Variants in CARMIL1 observed in about 807,000 individuals in gnomAD.
CARMIL1 encodes capping protein regulator and myosin 1 linker 1, also known as F-actin-uncapping protein LRRC16A.
In CARMIL1, 90 loss-of-function variants were observed where a neutral mutation model predicts 177.1. The observed-to-expected ratio is 0.51, with a 90% CI of 0.43 to 0.61. The LOEUF (loss-of-function observed/expected upper bound fraction) is 0.61. CARMIL1 is among the 20% of genes least tolerant of loss of function. The pLI is 0.00. For synonymous variants in CARMIL1, 577 were observed against 606.2 expected (o/e 0.95, Z 0.71); for missense variants, 1,380 against 1,667.0 (o/e 0.83, Z 3.00).
At chr6:25,392,054 ATGTGTGTGTGTGTGTGTGTGTGTG>A (rs36076582) in intron 2 of CARMIL1, among the ~76,000 whole-genome samples, 83 of 139,356 alleles carry the variant, frequency 6.0e-4, no homozygotes, top group South Asian at 2.8e-3. Flanking sequence ...GTGTATATGC[ATGTGTGTGTGTGTGTGTGTGTGTG>A]TGTGTGTGTG....
intron 2 of CARMIL1, among the ~76,000 whole-genome samples, chr6:25,382,438 G>A (rs184340225): frequency 7.6e-4 from 116 of 152,244 alleles, no homozygotes; most frequent in African/African-American, 2.5e-3. Flanking sequence ...AAGGTGGCAC[G>A]GAGCCAAAGA....
chr6:25,584,026 C>CTTTTTTT (rs71544648), intron 31 of CARMIL1, among the ~76,000 whole-genome samples: 194 of 119,086 alleles, frequency 1.6e-3, no homozygotes, highest in East Asian at 3.0e-3. Context: ...TTTTCTTTTT[C>CTTTTTTT]TTTTTTTTTT....
chr6:25,362,924 AC>A (rs1789385075), intron 2 of CARMIL1, among the ~76,000 whole-genome samples: 2 of 152,198 alleles, frequency 1.3e-5, no homozygotes, highest in Admixed American at 6.5e-5. Flanking sequence ...AATCCCAGCT[AC>A]TCTGGGGGCT....
chr6:25,530,404 A>G (rs976745680), intron 24 of CARMIL1, among the ~76,000 whole-genome samples: 3 of 152,130 alleles, frequency 2.0e-5, no homozygotes, highest in African/African-American at 7.2e-5. Context: ...AATCCCAACT[A>G]CTTGGAAGGC....
chr6:25,396,471 C>T (rs1382847527), intron 2 of CARMIL1, among the ~76,000 whole-genome samples: 1 of 151,210 alleles, frequency 6.6e-6, no homozygotes. Flanking sequence ...AAGCGATTCT[C>T]CTGTCTCAGC....
chr6:25,438,539 C>T (rs1055924226), intron 5 of CARMIL1, among the ~76,000 whole-genome samples: 1 of 152,216 alleles, frequency 6.6e-6, no homozygotes, highest in Non-Finnish European at 1.5e-5. Flanking sequence ...GAAGAGAAGG[C>T]GCCTGCCCTA....
chr6:25,402,402 GCTA>G (rs1562090553), intron 2 of CARMIL1, among the ~76,000 whole-genome samples: 1 of 152,160 alleles, frequency 6.6e-6, no homozygotes, highest in Non-Finnish European at 1.5e-5. Context: ...TTTAAAAACT[GCTA>G]AGACCAAGCC....
intron 2 of CARMIL1, among the ~76,000 whole-genome samples, chr6:25,287,200 A>C (rs1781579010): frequency 6.6e-6 from 1 of 152,236 alleles, no homozygotes; most frequent in Non-Finnish European, 1.5e-5. Context: ...AATGGTTCAT[A>C]AATGAGTTGG....
chr6:25,556,706 C>T lies in CARMIL1; in HGVS notation c.2598C>T (p.Asp866=), dbSNP rs373279823. 3.1e-6 allele frequency: 5 copies of T among 1,612,842 alleles called. No homozygotes were observed. The highest frequency in any genetic ancestry group is 4.2e-6 in the Non-Finnish European group (5 of 1,179,380). The change falls in exon 29 of 37, where the codon GAC becomes GAT. Residue 866 remains aspartate (D), a synonymous_variant. Transcript: ENST00000329474. ...TACACGTCTTGACCTTCTAGGCTGACCATTTCAGCAGACGTGGCAAGACCC... is the reference window on the plus strand; with the variant it reads ...TACACGTCTTGACCTTCTAGGCTGATCATTTCAGCAGACGTGGCAAGACCC... ...ALSHCHHKLA[D]HFSRRGKTLP... is the part of the protein sequence containing the mutation.
chr6:25,338,293 A>C (rs13193253), intron 2 of CARMIL1, among the ~76,000 whole-genome samples: 1 of 126,556 alleles, frequency 7.9e-6, no homozygotes, highest in South Asian at 2.6e-4. Flanking sequence ...GGTAGTATAA[A>C]AAAAGGGGCA....
At chr6:25,580,697 A>G (rs2151250207) in intron 29 of CARMIL1, among the ~76,000 whole-genome samples, 1 of 152,344 alleles carries the variant, frequency 6.6e-6, no homozygotes, top group East Asian at 1.9e-4. Context: ...CAGCTATATA[A>G]GTGGAATTCA....
At chr6:25,454,874 G>A (rs1383206187) in intron 8 of CARMIL1, among the ~76,000 whole-genome samples, 1 of 152,178 alleles carries the variant, frequency 6.6e-6, no homozygotes, top group Non-Finnish European at 1.5e-5. Context: ...TGTGGCATAA[G>A]TTGATGTGAT....
intron 26 of CARMIL1, among the ~76,000 whole-genome samples, chr6:25,546,988 G>T (rs995073770): frequency 6.7e-5 from 10 of 149,796 alleles, no homozygotes; most frequent in African/African-American, 2.5e-4. Context: ...CCGGGAGATG[G>T]AAGTTGCAGA....
At chr6:25,315,869 T>C (rs1020158722) in intron 2 of CARMIL1, among the ~76,000 whole-genome samples, 2 of 152,198 alleles carry the variant, frequency 1.3e-5, no homozygotes, top group African/African-American at 4.8e-5. Context: ...TGCCAATACT[T>C]GGGGCTTGTT....
chr6:25,408,643 A>C (rs1226591532), intron 2 of CARMIL1, among the ~76,000 whole-genome samples: 1 of 152,158 alleles, frequency 6.6e-6, no homozygotes, highest in Non-Finnish European at 1.5e-5. Context: ...TGGTGGGACC[A>C]GAATTCAAAC....
At chr6:25,432,524 C>G (rs1289307247) in intron 4 of CARMIL1, among the ~76,000 whole-genome samples, 1 of 152,158 alleles carries the variant, frequency 6.6e-6, no homozygotes, top group Non-Finnish European at 1.5e-5. Flanking sequence ...CTCTATGCCA[C>G]ATTGTTTTCT....
At chr6:25,280,551 G>C (rs1390491959) in intron 1 of CARMIL1, among the ~76,000 whole-genome samples, 2 of 151,058 alleles carry the variant, frequency 1.3e-5, no homozygotes, top group African/African-American at 4.9e-5. Flanking sequence ...TGTGTGTTAC[G>C]CTGTGCAAGG....
At chr6:25,520,567 C>T (rs1806453208) in intron 23 of CARMIL1, among the ~76,000 whole-genome samples, 1 of 152,128 alleles carries the variant, frequency 6.6e-6, no homozygotes, top group Non-Finnish European at 1.5e-5. Flanking sequence ...AATAAAAAAA[C>T]ATTCTTACAG....
intron 2 of CARMIL1, among the ~76,000 whole-genome samples, chr6:25,286,003 C>T (rs1053045113): frequency 6.6e-6 from 1 of 152,144 alleles, no homozygotes; most frequent in Admixed American, 6.6e-5. Context: ...TCCTGAGTAG[C>T]TGGGACTACA....
Sources: gnomAD v4.1 joint callset for allele counts (sites outside exome capture counted in the v4.1 genomes callset) on GRCh38, gnomAD v4.1.1 for gene constraint, MANE v1.5 for transcripts, NCBI Gene and HGNC (gene_info 2026-07-23, HGNC 2026-07-21) for gene names.